Variants in DCP1B observed in about 807,000 individuals in gnomAD.
The protein encoded by DCP1B is decapping mRNA 1B.
Under a neutral mutation model 60.5 loss-of-function variants are expected in DCP1B, and 47 were observed. The observed-to-expected ratio is 0.78, with a 90% CI of 0.61 to 0.99. DCP1B has a LOEUF of 0.99. DCP1B is among the 50% of genes least tolerant of loss of function. The pLI is 0.00. For missense variants in DCP1B, 725 were observed against 756.8 expected, an observed-to-expected ratio of 0.96 and a Z score of 0.49; for synonymous variants, 267 against 280.3, an observed-to-expected ratio of 0.95 and a Z score of 0.47.
At chr12:1,992,260 C>A (rs994698391) in intron 3 of DCP1B, 2 of 159,644 alleles carry the variant, frequency 1.3e-5, no homozygotes, top group Admixed American at 1.3e-4. Flanking sequence ...AAAATTTATT[C>A]TCTAAATAAT....
chr12:1,968,750 A>C (rs2031539739), intron 3 of DCP1B, among the ~76,000 whole-genome samples: 1 of 152,250 alleles, frequency 6.6e-6, no homozygotes. Context: ...GGAAAAAATA[A>C]AATTTAATAA....
intron 1 of DCP1B, among the ~76,000 whole-genome samples, chr12:2,001,990 G>T (rs2042293374): frequency 6.6e-6 from 1 of 152,218 alleles, no homozygotes; most frequent in East Asian, 1.9e-4. Context: ...TGACACATAG[G>T]TATTAATATT....
At chr12:1,973,415 ACT>A (rs2033184322) in intron 3 of DCP1B, among the ~76,000 whole-genome samples, 1 of 151,984 alleles carries the variant, frequency 6.6e-6, no homozygotes, top group South Asian at 2.1e-4. Flanking sequence ...AACAAACAAA[ACT>A]CTCTGAATTA....
chr12:1,948,396 C>T lies in DCP1B; in HGVS notation c.1773+690G>A, dbSNP rs1428519998. Among the ~76,000 whole-genome samples, 3 of 152,160 alleles carry T rather than the reference C, an allele frequency of 2.0e-5. No individual in the cohort carries two copies. Among genetic ancestry groups the T allele is most frequent in the Admixed American group, 1.3e-4 (2 of 15,278 alleles). On this transcript the variant is annotated intron_variant, in intron 8 of 8. Transcript: ENST00000280665. The surrounding 1 kb of genome is among the most constrained non-coding windows in gnomAD (Gnocchi z 4.8). ...AGTTGCTCAGCCTCAGTTTCCTTGT[C>T]TGTAGAATGGGAAAAATAACAGGGT...
chr12:2,001,350 T>G (rs1795646659), intron 1 of DCP1B, among the ~76,000 whole-genome samples: 1 of 152,198 alleles, frequency 6.6e-6, no homozygotes, highest in Non-Finnish European at 1.5e-5. Flanking sequence ...CTGGGGTATT[T>G]TAGCTTAAAT....
At position 1,971,127 on chromosome 12, in the gene DCP1B, C is replaced by T; in HGVS notation, c.320-3217G>A. On this transcript the variant is annotated intron_variant, in intron 3 of 8. Transcript: ENST00000280665. This position sits in a 1 kb window ranked among gnomAD's most constrained non-coding sequence, Gnocchi z 4.2. ...CAGCCGCTTCCCAGCCACCTGTCTG[C>T]CAACACGGAGGTCAAGTTTAAGGGT... 1 of 1,289,160 alleles carries T rather than the reference C, an allele frequency of 7.8e-7. No individual in the cohort carries two copies. The highest frequency in any genetic ancestry group is 1.0e-6 in the Non-Finnish European group (1 of 988,270). The allele number at this position is 1,289,160 out of a possible 1,614,324, so 79.9% of individuals were successfully genotyped here. A position where few individuals can be genotyped will look rare whatever the true frequency, so the allele number is the denominator to read the frequency against.
At chr12:1,969,545 CTTTTT>C (rs780218221) in intron 3 of DCP1B, among the ~76,000 whole-genome samples, 1 of 130,168 alleles carries the variant, frequency 7.7e-6, no homozygotes, top group Non-Finnish European at 1.6e-5. Context: ...GGTACACTGA[CTTTTT>C]TTTTTTTTTT....
At position 1,948,715 on chromosome 12, in the gene DCP1B, G is replaced by A. The variant is rs1420630105; in HGVS notation, c.1773+371C>T. 6.6e-6 allele frequency among the ~76,000 whole-genome samples: 1 copy of A among 152,162 alleles called. No homozygotes were observed. The highest frequency in any genetic ancestry group is 6.5e-5 in the Admixed American group (1 of 15,274). Reference sequence around the variant, plus strand: ...CACTCAACAGATGGCCCCTTGCCCAGGACTGCTCCCACCTCTACCTCCCAA... The same window carrying A: ...CACTCAACAGATGGCCCCTTGCCCAAGACTGCTCCCACCTCTACCTCCCAA... On this transcript the variant is annotated intron_variant, in intron 8 of 8. Transcript: ENST00000280665. This position sits in a 1 kb window ranked among gnomAD's most constrained non-coding sequence, Gnocchi z 4.8.
chr12:1,950,157 G>A (rs2030609820), intron 7 of DCP1B: 1 of 582,954 alleles, frequency 1.7e-6, no homozygotes, highest in African/African-American at 1.9e-5. Flanking sequence ...AGGCCAGCAA[G>A]CTAGAAGTTG....
intron 3 of DCP1B, among the ~76,000 whole-genome samples, chr12:1,978,009 C>T (rs187435519): frequency 5.9e-5 from 9 of 152,200 alleles, no homozygotes; most frequent in Admixed American, 3.9e-4. Flanking sequence ...GCTAAGGCTC[C>T]TCTTTGCTAG....
chr12:1,982,040 G>A (rs2036300111), intron 3 of DCP1B, among the ~76,000 whole-genome samples: 1 of 152,138 alleles, frequency 6.6e-6, no homozygotes, highest in African/African-American at 2.4e-5. Context: ...GTTTTACTTG[G>A]AAGGCATTTC....
rs138499335 is a variant in DCP1B at position 2,004,339 on chromosome 12, G to T, written c.93C>A (p.Ile31=). The T allele has an allele frequency of 6.9e-4, 1,110 of 1,613,378 alleles. 2 individuals are homozygous for T. The highest frequency in any genetic ancestry group is 7.9e-4 in the Non-Finnish European group (928 of 1,179,940). ...LQRHDPYINR[I]VDVASQVALY... ...GAGCCACCTGGCTGGCCACGTCCAC[G>T]ATGCGGTTGATATAGGGGTCGTGGC... Residue 31 remains isoleucine, a synonymous_variant, in exon 1 of 9, where the codon ATC becomes ATA. Transcript: ENST00000280665.
chr12:1,954,808 T>C (rs1246315820), intron 6 of DCP1B, among the ~76,000 whole-genome samples: 1 of 152,142 alleles, frequency 6.6e-6, no homozygotes, highest in Non-Finnish European at 1.5e-5. Flanking sequence ...ATGGACCCAA[T>C]GGGTAATGTT....
intron 1 of DCP1B, among the ~76,000 whole-genome samples, chr12:2,003,077 C>A (rs936814697): frequency 1.4e-4 from 21 of 152,180 alleles, no homozygotes; most frequent in Non-Finnish European, 2.8e-4. Flanking sequence ...GACCTAAATT[C>A]TTTGCCCCAT....
rs370239062 is a variant in DCP1B at position 2,002,898 on chromosome 12, AAAAAACAAACAAAC to A, written c.150+1370_150+1383del. ...ATGTAAAAACGAAGGTGACACCTCG[AAAAAACAAACAAAC>A]AAAAACAAACAAAAAAAGTAGGTGA... On this transcript the variant is annotated intron_variant, in intron 1 of 8. Transcript: ENST00000280665. 5.8e-3 allele frequency among the ~76,000 whole-genome samples: 883 copies of A among 152,336 alleles called. 7 individuals are homozygous for A. The highest frequency in any genetic ancestry group is 0.02 in the African/African-American group (815 of 41,562).
intron 3 of DCP1B, among the ~76,000 whole-genome samples, chr12:1,980,767 T>C (rs906628637): frequency 9.9e-5 from 15 of 151,880 alleles, no homozygotes; most frequent in Non-Finnish European, 4.4e-5. Flanking sequence ...AAAACATCGA[T>C]AGCATAAGCT....
rs2031158122 is a variant in DCP1B, at chr12:1,962,391, T to C, written c.522+3167A>G. On this transcript the variant is annotated intron_variant, in intron 5 of 8. Coordinates refer to ENST00000280665, the MANE Select transcript of DCP1B (RefSeq NM_152640.5). The surrounding 1 kb of genome is among the most constrained non-coding windows in gnomAD (Gnocchi z 4.4). ...AGGATTTTAAGATGTCAAAACATTA[T>C]AACATATAGAAGATAAAAAACAGAA... Among the ~76,000 whole-genome samples the C allele has an allele frequency of 6.6e-6, 1 of 152,094 alleles. No homozygotes were observed. Among genetic ancestry groups the C allele is most frequent in the South Asian group, 2.1e-4 (1 of 4,830 alleles).
Position 1,946,150 on chromosome 12 carries a change from A to T in DCP1B, c.*56T>A. ...AGGAAACAACACTCAACATGAAAGA[A>T]CCTTGTGCCGGAGTTCTAGAAGGAC... is the stretch of plus-strand genomic sequence containing the variant. On this transcript the variant is annotated 3_prime_UTR_variant, in exon 9 of 9. Coordinates refer to ENST00000280665, the MANE Select transcript of DCP1B (RefSeq NM_152640.5). The T allele has an allele frequency of 1.5e-5, 20 of 1,338,084 alleles. No homozygotes were observed. The South Asian group carries it at 3.1e-4, about 21-fold the overall frequency. 82.9% of individuals were successfully genotyped at this position (1,338,084 alleles called of 1,614,324 possible). A position where few individuals can be genotyped will look rare whatever the true frequency, so the allele number is the denominator to read the frequency against.
rs762381368 is a variant in DCP1B at position 1,952,565 on chromosome 12, C to T, written c.1375G>A (p.Val459Ile). The T allele has an allele frequency of 3.7e-6, 6 of 1,614,180 alleles. No homozygotes were observed. Among genetic ancestry groups the T allele is most frequent in the South Asian group, 1.1e-5 (1 of 91,084 alleles). The change falls in exon 7 of 9, where the codon GTA (valine) becomes ATA (isoleucine). Residue 459 changes from valine to isoleucine, a missense_variant. Physicochemically the swap from Val to Ile is conservative, Grantham distance 29. Coordinates refer to ENST00000280665, the MANE Select transcript of DCP1B (RefSeq NM_152640.5). ...GCATGCAGCTGCTGCTCCTGCTGTA[C>T]AATCTGAAGCTTCTTCAGTAACTCT... ...PQELLKKLQI[V>I]QQEQQLHASN...
Sources: gnomAD v4.1 joint callset for allele counts (sites outside exome capture counted in the v4.1 genomes callset) on GRCh38, gnomAD v4.1.1 for gene constraint, Gnocchi (gnomAD v3.1) non-coding constraint, MANE v1.5 for transcripts, NCBI Gene and HGNC (gene_info 2026-07-23, HGNC 2026-07-21) for gene names.